The following BZW1 variants were observed in gnomAD, a reference collection of about 807,000 sequenced individuals.
BZW1 encodes eIF5-mimic protein 2.
In BZW1, 3 loss-of-function variants were observed where a neutral mutation model predicts 54.1. The observed-to-expected ratio is 0.06, with a 90% CI of 0.03 to 0.14. The LOEUF (loss-of-function observed/expected upper bound fraction) is 0.14. BZW1 is among the 10% of genes least tolerant of loss of function. The pLI is 1.00. For synonymous variants in BZW1, 152 were observed against 162.7 expected (o/e 0.93, Z 0.50); for missense variants, 206 against 491.7 (o/e 0.42, Z 5.50).
intron 4 of BZW1, 56 bp from the exon 5 acceptor site, chr2:200,816,269 A>T: frequency 7.7e-7 from 1 of 1,305,586 alleles, no homozygotes; most frequent in Non-Finnish European, 1.1e-6. Context: ...AAGGTTTACT[A>T]CTTTGCTATT....
chr2:200,821,036 A>G, intron 10 of BZW1, 147 bp from the exon 11 acceptor site: 1 of 948,384 alleles, frequency 1.1e-6, no homozygotes, highest in Non-Finnish European at 1.6e-6. Flanking sequence ...TGGTATGCGC[A>G]CATGTATTAT....
At position 200,817,331 on chromosome 2, in the gene BZW1, A is replaced by G. The variant is rs567058565; in HGVS notation, c.538+90A>G. 4 of 1,456,028 alleles carry G rather than the reference A, an allele frequency of 2.7e-6. No individual in the cohort carries two copies. In the African/African-American group the frequency reaches 5.6e-5, roughly 21 times the overall value. The allele number at this position is 1,456,028 out of a possible 1,614,324, so 90.2% of individuals were successfully genotyped here. ...TGTTCATAGATGTGACTTCTGTGAA[A>G]GTCTTCGTTTATTAACCAGCCTTAA... On this transcript the variant is annotated intron_variant, in intron 6 of 11. Coordinates refer to ENST00000409600, the MANE Select transcript of BZW1 (RefSeq NM_001207067.2).
rs531074532 is a variant in BZW1, at chr2:200,821,134, T to C, written c.1106-49T>C. Reference sequence around the variant, plus strand: ...GCACATTAGGTGGTGGTTCTAACGCTGAGTAGAGTATATTAAAACTCCCTT... The same window carrying C: ...GCACATTAGGTGGTGGTTCTAACGCCGAGTAGAGTATATTAAAACTCCCTT... On this transcript the variant is annotated intron_variant, in intron 10 of 11. Coordinates refer to ENST00000409600, the MANE Select transcript of BZW1 (RefSeq NM_001207067.2). The C allele has an allele frequency of 1.3e-5, 21 of 1,594,114 alleles. No individual in the cohort carries two copies. In the Admixed American group the frequency reaches 3.0e-4, roughly 22 times the overall value.
intron 4 of BZW1, among the ~76,000 whole-genome samples, 157 bp downstream of exon 4, chr2:200,815,918 CTT>C (rs1388108490): frequency 1.3e-5 from 2 of 152,150 alleles, no homozygotes; most frequent in Non-Finnish European, 2.9e-5. Context: ...GAATTAGAAA[CTT>C]AAGGTGTGTT....
Position 200,826,393 on chromosome 2 carries a change from ATAGATAGATAGATATTTTTTTTT to A in BZW1, c.*4217_*4239del, listed in dbSNP as rs2038692356. Reference sequence around the variant, plus strand: ...AAGATATAGATAGATAGATAGATAGATAGATAGATAGATATTTTTTTTTTTTTTTTTTTTTTTTTTTTTTTTTT... The same window carrying A: ...AAGATATAGATAGATAGATAGATAGATTTTTTTTTTTTTTTTTTTTTTTTT... On this transcript the variant is annotated 3_prime_UTR_variant, in exon 12 of 12. Transcript: ENST00000409600. 3.5e-5 allele frequency: 4 copies of A among 113,082 alleles called. No individual in the cohort carries two copies. Among genetic ancestry groups the A allele is most frequent in the African/African-American group, 1.4e-4 (4 of 27,794 alleles). The allele number at this position is 113,082 out of a possible 1,614,324, so 7.0% of individuals were successfully genotyped here.
intron 11 of BZW1, 93 bp downstream of exon 11, chr2:200,821,398 A>G: frequency 1.3e-6 from 2 of 1,498,116 alleles, no homozygotes; most frequent in Admixed American, 2.0e-5. Flanking sequence ...TTCTGATGCC[A>G]TTTTGTACCT....
chr2:200,813,339 G>T, intron 2 of BZW1, 58 bp downstream of exon 2: 1 of 1,471,568 alleles, frequency 6.8e-7, no homozygotes, highest in South Asian at 1.2e-5. Context: ...TGTGTATCTT[G>T]CCTTCTCTGA....
intron 1 of BZW1, chr2:200,812,223 T>C: frequency 8.1e-7 from 1 of 1,227,030 alleles, no homozygotes; most frequent in Non-Finnish European, 1.0e-6. Context: ...GCCGCGGCGC[T>C]GGCTGCGAAG....
rs1182874317 is a variant in BZW1 at position 200,812,445 on chromosome 2, C to T, written c.-11+455C>T. 6 of 1,314,036 alleles carry T rather than the reference C, an allele frequency of 4.6e-6. No individual in the cohort carries two copies. The African/African-American group carries it at 6.1e-5, about 13-fold the overall frequency. The allele number at this position is 1,314,036 out of a possible 1,614,324, so 81.4% of individuals were successfully genotyped here. A position where few individuals can be genotyped will look rare whatever the true frequency, so the allele number is the denominator to read the frequency against. ...CCTGGGGCCCCGGCGCAAAGCGCCT[C>T]AGTGACTGTGGTCCGCTCGTTGCGG... On this transcript the variant is annotated intron_variant, in intron 1 of 11. Coordinates refer to ENST00000409600, the MANE Select transcript of BZW1 (RefSeq NM_001207067.2).
chr2:200,815,690 G>A lies in BZW1; in HGVS notation c.265G>A (p.Asp89Asn). Residue 89 changes from aspartate (D) to asparagine (N), a missense_variant, in exon 4 of 12, where the codon GAC (aspartate) becomes AAC (asparagine). Asp to Asn is a conservative substitution (Grantham distance 23). This residue lies in a region of BZW1 where 81 missense variants were observed against 257.1 expected (regional missense o/e 0.32). Transcript: ENST00000409600. ...MLAPGGTLAD[D>N]MMRTDVCVFA... The stretch of plus-strand genomic sequence containing the variant: ...AGCCCCAGGTGGTACACTGGCAGAT[G>A]ACATGATGCGTACAGATGTCTGCGT... 6.3e-7 allele frequency: 1 copy of A among 1,596,474 alleles called. No homozygotes were observed. Among genetic ancestry groups the A allele is most frequent in the Non-Finnish European group, 8.5e-7 (1 of 1,170,890 alleles).
Position 200,811,997 on chromosome 2 carries a change from C to T in BZW1, c.-11+7C>T, listed in dbSNP as rs368481733. Reference sequence around the variant, plus strand: ...CCTCTTCGCCTTAAATTCGGTGAGACGCGGCGCCCCGCTCACCCCGGGCGG... The same window carrying T: ...CCTCTTCGCCTTAAATTCGGTGAGATGCGGCGCCCCGCTCACCCCGGGCGG... On this transcript the variant is annotated splice_region_variant and intron_variant, in intron 1 of 11. Transcript: ENST00000409600. The T allele has an allele frequency of 5.3e-6, 2 of 373,894 alleles. No individual in the cohort carries two copies. The highest frequency in any genetic ancestry group is 3.9e-5 in the East Asian group (1 of 25,714). 23.2% of individuals were successfully genotyped at this position (373,894 alleles called of 1,614,324 possible).
intron 2 of BZW1, among the ~76,000 whole-genome samples, chr2:200,813,670 G>A (rs1186653783): frequency 6.6e-6 from 1 of 152,202 alleles, no homozygotes; most frequent in East Asian, 1.9e-4. Flanking sequence ...AGATTTGTGA[G>A]AGAAAACTCA....
At chr2:200,812,666 G>A (rs1052287941) in intron 1 of BZW1, 5 of 1,147,556 alleles carry the variant, frequency 4.4e-6, no homozygotes, top group African/African-American at 3.1e-5. Flanking sequence ...AGGAGGCTGG[G>A]CTGGCTGTTA....
chr2:200,821,484 A>G (rs528786590), intron 11 of BZW1, among the ~76,000 whole-genome samples, 179 bp downstream of exon 11: 6 of 152,212 alleles, frequency 3.9e-5, no homozygotes, highest in African/African-American at 1.4e-4. Flanking sequence ...TGGCTCAGCC[A>G]TAATAGTAAA....
At position 200,823,586 on chromosome 2, in the gene BZW1, C is replaced by T. The variant is rs1227859494; in HGVS notation, c.*1408C>T. ...CCATTCTTATGAGCCAAAAGTTTGT[C>T]ATTTAAAAGTTCATTTTGAGGGAAT... On this transcript the variant is annotated 3_prime_UTR_variant, in exon 12 of 12. Coordinates refer to ENST00000409600, the MANE Select transcript of BZW1 (RefSeq NM_001207067.2). 6.6e-6 allele frequency: 1 copy of T among 152,394 alleles called. No homozygotes were observed. Among genetic ancestry groups the T allele is most frequent in the African/African-American group, 2.4e-5 (1 of 41,362 alleles). The allele number at this position is 152,394 out of a possible 1,614,324, so 9.4% of individuals were successfully genotyped here. A position where few individuals can be genotyped will look rare whatever the true frequency, so the allele number is the denominator to read the frequency against.
In BZW1 at chr2:200,824,529, AAAC is replaced by A. The variant is rs1041821623; in HGVS notation, c.*2352_*2354del. On this transcript the variant is annotated 3_prime_UTR_variant, in exon 12 of 12. Coordinates refer to ENST00000409600, the MANE Select transcript of BZW1 (RefSeq NM_001207067.2). ...TTATTCCATTCTTATTTAAAAAAAAAAACCTCCATATACCAAAAATGCTACAGG... is the reference window on the plus strand; with the variant it reads ...TTATTCCATTCTTATTTAAAAAAAAACTCCATATACCAAAAATGCTACAGG... 1.2e-4 allele frequency: 18 copies of A among 151,854 alleles called. No homozygotes were observed. The highest frequency in any genetic ancestry group is 2.4e-4 in the Non-Finnish European group (16 of 67,954). The allele number at this position is 151,854 out of a possible 1,614,324, so 9.4% of individuals were successfully genotyped here.
At chr2:200,821,333 T>C in intron 11 of BZW1, 28 bp downstream of exon 11, 2 of 1,610,684 alleles carry the variant, frequency 1.2e-6, no homozygotes, top group Non-Finnish European at 1.7e-6. Context: ...TGTGGTTTGT[T>C]TGGTAAAGCT....
chr2:200,815,772 C>T lies in BZW1; in HGVS notation c.336+11C>T. ...CAAGCATTTGCTCAGGTAAATGAAACTTTACATAATTGTTTTCAGTTGGCT... is the reference window on the plus strand; with the variant it reads ...CAAGCATTTGCTCAGGTAAATGAAATTTTACATAATTGTTTTCAGTTGGCT... On this transcript the variant is annotated intron_variant, in intron 4 of 11. Transcript: ENST00000409600. The T allele has an allele frequency of 1.2e-5, 18 of 1,532,904 alleles. No individual in the cohort carries two copies. Among genetic ancestry groups the T allele is most frequent in the Non-Finnish European group, 1.6e-5 (18 of 1,140,544 alleles). 95.0% of individuals were successfully genotyped at this position (1,532,904 alleles called of 1,614,324 possible).
In BZW1 at chr2:200,823,925, T is replaced by TC. The variant is rs911622993; in HGVS notation, c.*1748dup. On this transcript the variant is annotated 3_prime_UTR_variant, in exon 12 of 12. Transcript: ENST00000409600. ...TGTGTGTTCAGATGTCTTTACTGTA[T>TC]CTGTATACCATTAAGTAATAATTAG... 6.6e-6 allele frequency: 1 copy of TC among 152,242 alleles called. No homozygotes were observed. Among genetic ancestry groups the TC allele is most frequent in the African/African-American group, 2.4e-5 (1 of 41,436 alleles). 9.4% of individuals were successfully genotyped at this position (152,242 alleles called of 1,614,324 possible). A position where few individuals can be genotyped will look rare whatever the true frequency, so the allele number is the denominator to read the frequency against.
Sources: allele counts gnomAD v4.1 joint callset (sites outside exome capture counted in the v4.1 genomes callset), GRCh38; gene constraint gnomAD v4.1.1; regional missense constraint gnomAD v4.1.1; transcripts MANE v1.5; gene names NCBI Gene and HGNC (gene_info 2026-07-23, HGNC 2026-07-21).